The following ELAPOR2 variants were observed in gnomAD, a reference collection of about 807,000 sequenced individuals.
The protein encoded by ELAPOR2 is endosome/lysosome-associated apoptosis and autophagy regulator family member 2.
Under a neutral mutation model 120.7 loss-of-function variants are expected in ELAPOR2, and 89 were observed. The observed-to-expected ratio is 0.74, with a 90% confidence interval of 0.62 to 0.88. The LOEUF is 0.88. Among genes scored for constraint, ELAPOR2 ranks in the 40% least tolerant of loss-of-function variants. The probability of loss-of-function intolerance (pLI) is 0.00; values close to 1 mark genes in which losing one functional copy is unlikely to be tolerated. For synonymous variants in ELAPOR2, 444 were observed against 444.9 expected, an observed-to-expected ratio of 1.00 and a Z score of 0.03; for missense variants, 1,134 against 1,251.6, an observed-to-expected ratio of 0.91 and a Z score of 1.42.
chr7:86,964,577 G>A (rs980666668), intron 2 of ELAPOR2, among the ~76,000 whole-genome samples: 1 of 152,072 alleles, frequency 6.6e-6, no homozygotes, highest in African/African-American at 2.4e-5. Context: ...TTTAAGTTAT[G>A]TGTATTTCAA....
chr7:86,913,267 G>T, intron 13 of ELAPOR2, 63 bp from the exon 14 acceptor site: 1 of 1,511,092 alleles, frequency 6.6e-7, no homozygotes, highest in Non-Finnish European at 9.1e-7. Flanking sequence ...ACCAGATTAT[G>T]TCTTCTGTTG....
chr7:86,926,827 C>G lies in ELAPOR2; in HGVS notation c.1179G>C (p.Lys393Asn), dbSNP rs752468043. ...AIRLPPSGEK[K>N]DCPPCNPGFY... The stretch of plus-strand genomic sequence containing the variant: ...ATCCAGGGTTGCAAGGCGGACAATC[C>G]TTCTTCTCTCCAGAAGGGGGCAATC... The change falls in exon 9 of 22, where the codon AAG becomes AAC. Residue 393 changes from lysine to asparagine, a missense_variant. Physicochemically the swap from Lys to Asn is moderately conservative, Grantham distance 94. Around this residue, in one of 3 missense-constraint regions of ELAPOR2, gnomAD observed 831 missense variants for 867.6 expected, o/e 0.96. Transcript: ENST00000450689. 1.9e-6 allele frequency: 3 copies of G among 1,606,320 alleles called. No individual in the cohort carries two copies. The South Asian group carries it at 3.3e-5, about 18-fold the overall frequency.
intron 1 of ELAPOR2, among the ~76,000 whole-genome samples, chr7:87,000,486 G>A (rs771324154): frequency 1.3e-4 from 20 of 152,142 alleles, no homozygotes; most frequent in Admixed American, 1.0e-3. Context: ...CAGACTCTGC[G>A]TCTGACTCAA....
intron 1 of ELAPOR2, among the ~76,000 whole-genome samples, chr7:86,983,943 T>A (rs538623199): frequency 6.6e-6 from 1 of 152,222 alleles, no homozygotes; most frequent in African/African-American, 2.4e-5. Context: ...AGGAGACCCA[T>A]CTCATGTGCA....
At chr7:86,959,702 T>C (rs1182243644) in intron 2 of ELAPOR2, among the ~76,000 whole-genome samples, 1 of 152,230 alleles carries the variant, frequency 6.6e-6, no homozygotes, top group Non-Finnish European at 1.5e-5. Flanking sequence ...CTTCTTTTAA[T>C]GTGCTATTAA....
chr7:86,909,883 A>G lies in ELAPOR2; in HGVS notation c.2288T>C (p.Ile763Thr). Reference protein sequence around the residue: ...VGAFVCQSTIIPSESKGFRAA... With the variant: ...VGAFVCQSTITPSESKGFRAA... The stretch of plus-strand genomic sequence containing the variant: ...TCGGAAACCCTTACTTTCAGAAGGA[A>G]TAATTGTTGACTGGCATACAAATGC... The change falls in exon 16 of 22, where the codon ATT becomes ACT. Residue 763 changes from isoleucine to threonine, a missense_variant. By Grantham distance (89) the Ile-to-Thr change is moderately conservative (BLOSUM62 -1). This residue lies in a region of ELAPOR2 where 831 missense variants were observed against 867.6 expected (regional missense o/e 0.96). Coordinates refer to ENST00000450689, the MANE Select transcript of ELAPOR2 (RefSeq NM_001142749.3). 1.2e-6 allele frequency: 2 copies of G among 1,613,494 alleles called. No homozygotes were observed. The highest frequency in any genetic ancestry group is 1.7e-6 in the Non-Finnish European group (2 of 1,179,596).
At chr7:87,010,169 T>C (rs1178292843) in intron 1 of ELAPOR2, among the ~76,000 whole-genome samples, 1 of 152,188 alleles carries the variant, frequency 6.6e-6, no homozygotes, top group Non-Finnish European at 1.5e-5. Context: ...TAGAAACAAA[T>C]ACATTGTATT....
intron 1 of ELAPOR2, among the ~76,000 whole-genome samples, chr7:87,025,052 T>C (rs1411344445): frequency 6.6e-6 from 1 of 151,684 alleles, no homozygotes; most frequent in East Asian, 1.9e-4. Context: ...CTCCATACTG[T>C]AGGTCACCTG....
chr7:86,938,585 C>G (rs552937200), intron 7 of ELAPOR2, among the ~76,000 whole-genome samples: 2 of 151,984 alleles, frequency 1.3e-5, no homozygotes, highest in Admixed American at 6.6e-5. Flanking sequence ...TAGCAGCTAC[C>G]TGTGGGGTGT....
Position 86,914,772 on chromosome 7 carries a change from G to T in ELAPOR2, c.1682C>A (p.Ala561Glu). ...QAYTHIIFKN[A>E]TFTFTWAFQR... is the part of the protein sequence containing the mutation. Reference sequence around the variant, plus strand: ...GAATGCCCATGTAAATGTAAAAGTTGCATTCTTGAAGATGATATGGGTGTA... The same window carrying T: ...GAATGCCCATGTAAATGTAAAAGTTTCATTCTTGAAGATGATATGGGTGTA... Residue 561 changes from alanine to glutamate, a missense_variant, in exon 13 of 22, where the codon GCA (alanine) becomes GAA (glutamate). By Grantham distance (107) the Ala-to-Glu change is moderately radical. Coordinates refer to ENST00000450689, the MANE Select transcript of ELAPOR2 (RefSeq NM_001142749.3). 1 of 1,611,934 alleles carries T rather than the reference G, an allele frequency of 6.2e-7. No individual in the cohort carries two copies.
chr7:86,956,857 G>A (rs1017017149), intron 2 of ELAPOR2, among the ~76,000 whole-genome samples: 2 of 152,134 alleles, frequency 1.3e-5, no homozygotes, highest in Non-Finnish European at 2.9e-5. Context: ...CAAGGGGGCA[G>A]AACAATACAT....
chr7:86,951,366 GAT>G (rs1791236564), intron 2 of ELAPOR2, among the ~76,000 whole-genome samples: 1 of 152,186 alleles, frequency 6.6e-6, no homozygotes, highest in South Asian at 2.1e-4. Context: ...AATATTTTAT[GAT>G]ATGTTGTTAT....
intron 1 of ELAPOR2, among the ~76,000 whole-genome samples, chr7:87,000,614 T>C (rs767923490): frequency 7.9e-5 from 12 of 152,180 alleles, no homozygotes; most frequent in Non-Finnish European, 1.8e-4. Flanking sequence ...ACTCCATGTG[T>C]TGTGCTGAAT....
At chr7:86,923,867 A>C (rs911881355) in intron 10 of ELAPOR2, among the ~76,000 whole-genome samples, 1 of 152,110 alleles carries the variant, frequency 6.6e-6, no homozygotes, top group African/African-American at 2.4e-5. Flanking sequence ...AATTCCTCTT[A>C]GGCAAATTTT....
intron 19 of ELAPOR2, among the ~76,000 whole-genome samples, chr7:86,896,391 G>T (rs1022533802): frequency 1.3e-5 from 2 of 152,066 alleles, no homozygotes; most frequent in African/African-American, 4.8e-5. Flanking sequence ...AGTTCTCTAC[G>T]GTTTTTTCCT....
At chr7:87,051,976 G>A (rs918257209) in intron 1 of ELAPOR2, among the ~76,000 whole-genome samples, 21 of 152,220 alleles carry the variant, frequency 1.4e-4, no homozygotes, top group Non-Finnish European at 2.9e-5. Flanking sequence ...AGATAATTAA[G>A]AAATGCTTGC....
chr7:86,942,123 AG>A lies in ELAPOR2; in HGVS notation c.655-20del, dbSNP rs1790825839. 6.9e-7 allele frequency: 1 copy of A among 1,441,076 alleles called. No homozygotes were observed. The highest frequency in any genetic ancestry group is 1.2e-5 in the South Asian group (1 of 81,664). The allele number at this position is 1,441,076 out of a possible 1,614,324, so 89.3% of individuals were successfully genotyped here. A position where few individuals can be genotyped will look rare whatever the true frequency, so the allele number is the denominator to read the frequency against. On this transcript the variant is annotated intron_variant, in intron 4 of 21. Transcript: ENST00000450689. ...TTTGAATCTGTGGATTAAACACAAGAGCCCTAGTAAAGTGTCTTGAATAACA... is the reference window on the plus strand; with the variant it reads ...TTTGAATCTGTGGATTAAACACAAGACCCTAGTAAAGTGTCTTGAATAACA...
rs1486029575 is a variant in ELAPOR2 at position 86,959,303 on chromosome 7, G to GC, written c.310+5600dup. On this transcript the variant is annotated intron_variant, in intron 2 of 21. Coordinates refer to ENST00000450689, the MANE Select transcript of ELAPOR2 (RefSeq NM_001142749.3). Reference sequence around the variant, plus strand: ...TTGCTCCTCCTTTTCTGATTCGTATGCCTTTTATTTCTTTTTCTTGCCTAA... The same window carrying GC: ...TTGCTCCTCCTTTTCTGATTCGTATGCCCTTTTATTTCTTTTTCTTGCCTAA... Among the ~76,000 whole-genome samples the GC allele has an allele frequency of 8.2e-4, 125 of 152,152 alleles. 1 individual carries two copies. The highest frequency in any genetic ancestry group is 4.4e-5 in the Non-Finnish European group (3 of 67,994).
intron 1 of ELAPOR2, among the ~76,000 whole-genome samples, chr7:87,021,977 T>C (rs1005150121): frequency 3.3e-4 from 51 of 152,292 alleles, no homozygotes; most frequent in Middle Eastern, 3.4e-3. Flanking sequence ...AATTGTCTTA[T>C]AAAACATCCC....
Sources: allele counts gnomAD v4.1 joint callset (sites outside exome capture counted in the v4.1 genomes callset), GRCh38; gene constraint gnomAD v4.1.1; regional missense constraint gnomAD v4.1.1; transcripts MANE v1.5; gene names NCBI Gene and HGNC (gene_info 2026-07-23, HGNC 2026-07-21).